The following TTC7B variants were observed in gnomAD, a reference collection of about 807,000 sequenced individuals.
TTC7B encodes the protein tetratricopeptide repeat domain 7B.
TTC7B carries 28 observed loss-of-function variants against 106.8 expected under a neutral mutation model. The observed-to-expected ratio is 0.26, with a 90% CI of 0.19 to 0.36. TTC7B has a LOEUF of 0.36. TTC7B is among the 10% of genes least tolerant of loss of function. The pLI is 1.00. For synonymous variants in TTC7B, 405 were observed against 430.6 expected (o/e 0.94, Z 0.74); for missense variants, 862 against 1,076.4 (o/e 0.80, Z 2.79).
chr14:90,646,403 C>A (rs1238396884), intron 14 of TTC7B, among the ~76,000 whole-genome samples: 2 of 152,224 alleles, frequency 1.3e-5, no homozygotes, highest in Non-Finnish European at 2.9e-5. Context: ...ACAAAACTTG[C>A]CCCTCCCGCA....
rs1889820732 is a variant in TTC7B at position 90,742,829 on chromosome 14, A to G, written c.576+1963T>C. On this transcript the variant is annotated intron_variant, in intron 4 of 19. Transcript: ENST00000328459. The surrounding 1 kb of genome is among the most constrained non-coding windows in gnomAD (Gnocchi z 4.1). ...TAACAGAAGTGTATTCAGATCTACC[A>G]ATTCCTACATCACTACAGACACATG... Among the ~76,000 whole-genome samples, 1 of 152,214 alleles carries G rather than the reference A, an allele frequency of 6.6e-6. No homozygotes were observed. Among genetic ancestry groups the G allele is most frequent in the Admixed American group, 6.5e-5 (1 of 15,288 alleles).
At chr14:90,548,678 AG>A (rs1293366269) in intron 19 of TTC7B, among the ~76,000 whole-genome samples, 1 of 152,240 alleles carries the variant, frequency 6.6e-6, no homozygotes, top group East Asian at 1.9e-4. Flanking sequence ...GCAGGTGGCC[AG>A]TAACTTGGGG....
At chr14:90,628,950 G>A (rs780084508) in intron 15 of TTC7B, among the ~76,000 whole-genome samples, 9 of 152,228 alleles carry the variant, frequency 5.9e-5, no homozygotes, top group South Asian at 2.1e-4. Flanking sequence ...GCGATTCTTC[G>A]GAGGCATAGC....
chr14:90,572,625 AG>A (rs1028261619), intron 19 of TTC7B, among the ~76,000 whole-genome samples: 14 of 152,338 alleles, frequency 9.2e-5, no homozygotes, highest in African/African-American at 3.1e-4. Context: ...AACTCCTCAA[AG>A]ACAGCCTGTG....
rs917268000 is a variant in TTC7B at position 90,528,405 on chromosome 14, G to C, written c.*12963C>G. 2.6e-5 allele frequency: 4 copies of C among 152,566 alleles called. No homozygotes were observed. The highest frequency in any genetic ancestry group is 7.2e-5 in the African/African-American group (3 of 41,588). The allele number at this position is 152,566 out of a possible 1,614,324, so 9.5% of individuals were successfully genotyped here. A position where few individuals can be genotyped will look rare whatever the true frequency, so the allele number is the denominator to read the frequency against. ...TTATTTTTGTCATTCTTTTGAGGCA[G>C]GGTCTTGCTGTGTCTCCCAGGCTGG... On this transcript the variant is annotated 3_prime_UTR_variant, in exon 20 of 20. Coordinates refer to ENST00000328459, the MANE Select transcript of TTC7B (RefSeq NM_001010854.2).
intron 15 of TTC7B, among the ~76,000 whole-genome samples, chr14:90,638,729 G>A (rs1885048024): frequency 1.3e-5 from 2 of 152,292 alleles, no homozygotes; most frequent in African/African-American, 4.8e-5. Flanking sequence ...TGGACGAGCT[G>A]ATTTGAAAAT....
intron 3 of TTC7B, among the ~76,000 whole-genome samples, chr14:90,752,567 C>A (rs1890169506): frequency 6.6e-6 from 1 of 152,162 alleles, no homozygotes; most frequent in African/African-American, 2.4e-5. Flanking sequence ...CAGCTAGGAG[C>A]CTTATCTGGG....
Position 90,526,881 on chromosome 14 carries a change from G to A in TTC7B, c.*14487C>T, listed in dbSNP as rs12896168. On this transcript the variant is annotated 3_prime_UTR_variant, in exon 20 of 20. Coordinates refer to ENST00000328459, the MANE Select transcript of TTC7B (RefSeq NM_001010854.2). ...TTTTCTTTATAAATTACCTAGTCTC[G>A]GGTATGTCTTTATTAGCTGCATGAG... The A allele has an allele frequency of 0.22, 34,180 of 151,944 alleles. 3,905 individuals are homozygous for A. Among genetic ancestry groups the A allele is most frequent in the East Asian group, 0.37 (1,907 of 5,150 alleles). The allele number at this position is 151,944 out of a possible 1,614,324, so 9.4% of individuals were successfully genotyped here. A position where few individuals can be genotyped will look rare whatever the true frequency, so the allele number is the denominator to read the frequency against.
At chr14:90,655,157 T>G in intron 11 of TTC7B, 47 bp from the exon 12 acceptor site, 2 of 1,427,592 alleles carry the variant, frequency 1.4e-6, no homozygotes, top group Non-Finnish European at 2.0e-6. Flanking sequence ...GCAGAATTTC[T>G]AACATGAGTT....
chr14:90,744,854 C>T lies in TTC7B; in HGVS notation c.514G>A (p.Val172Ile). ...SNLHVDREQDVITCYEKAGDI... is the reference protein window; with the variant it reads ...SNLHVDREQDIITCYEKAGDI... ...CCTGCTTTCTCATAACAGGTGATGA[C>T]ATCCTGTTCCCGGTCCACATGGAGA... Residue 172 changes from valine (V) to isoleucine (I), a missense_variant, in exon 4 of 20, where the codon GTC (valine) becomes ATC (isoleucine). Transcript: ENST00000328459. The T allele has an allele frequency of 6.2e-7, 1 of 1,613,450 alleles. No individual in the cohort carries two copies. Among genetic ancestry groups the T allele is most frequent in the Non-Finnish European group, 8.5e-7 (1 of 1,179,392 alleles).
At chr14:90,694,994 C>CATATATTTATTATAA (rs1887654813) in intron 6 of TTC7B, among the ~76,000 whole-genome samples, 2 of 48,996 alleles carry the variant, frequency 4.1e-5, no homozygotes, top group African/African-American at 1.3e-4. Context: ...ATTTATAACA[C>CATATATTTATTATAA]ATATGCCACA....
chr14:90,634,432 T>C lies in TTC7B; in HGVS notation c.1751+9616A>G, dbSNP rs536596771. On this transcript the variant is annotated intron_variant, in intron 15 of 19. Transcript: ENST00000328459. ...CACTTGAGACAGAAGGCAGAGGTTA[T>C]CAGACTAAGTAAAAAAAAAAAGACC... is the stretch of plus-strand genomic sequence containing the variant. Among the ~76,000 whole-genome samples the C allele has an allele frequency of 2.0e-5, 3 of 151,258 alleles. No homozygotes were observed. The South Asian group carries it at 6.2e-4, about 31-fold the overall frequency.
At chr14:90,768,272 A>G (rs1005590665) in intron 3 of TTC7B, among the ~76,000 whole-genome samples, 1 of 152,240 alleles carries the variant, frequency 6.6e-6, no homozygotes, top group East Asian at 1.9e-4. Flanking sequence ...TAATTGACTC[A>G]CAGTTCCACA....
intron 15 of TTC7B, 99 bp downstream of exon 15, chr14:90,643,949 G>A: frequency 6.6e-6 from 9 of 1,362,242 alleles, no homozygotes; most frequent in Non-Finnish European, 9.4e-6. Flanking sequence ...GACTGCCAGG[G>A]TGTCCATGAG....
intron 3 of TTC7B, among the ~76,000 whole-genome samples, chr14:90,769,213 C>T (rs1184849411): frequency 1.3e-5 from 2 of 151,836 alleles, no homozygotes; most frequent in Non-Finnish European, 2.9e-5. Flanking sequence ...AAATATTTCG[C>T]TACAAAAAAA....
At chr14:90,653,076 C>T (rs558466585) in intron 12 of TTC7B, among the ~76,000 whole-genome samples, 178 bp from the exon 13 acceptor site, 2 of 152,230 alleles carry the variant, frequency 1.3e-5, no homozygotes, top group Non-Finnish European at 2.9e-5. Context: ...AGTCCTACCC[C>T]CAAGGTGCCT....
chr14:90,804,178 A>G (rs1003149078), intron 1 of TTC7B, among the ~76,000 whole-genome samples: 3 of 152,108 alleles, frequency 2.0e-5, no homozygotes, highest in Non-Finnish European at 4.4e-5. Context: ...TACTAAAAAT[A>G]CAAAAAATTA....
In TTC7B at chr14:90,742,707, C is replaced by T. The variant is rs1889816733; in HGVS notation, c.576+2085G>A. On this transcript the variant is annotated intron_variant, in intron 4 of 19. Transcript: ENST00000328459. This position sits in a 1 kb window ranked among gnomAD's most constrained non-coding sequence, Gnocchi z 4.1. ...CTTATGATCACCATTTCCCCAAAAT[C>T]AAAGAAAAGGATTTCTTTTAAATCC... Among the ~76,000 whole-genome samples, 1 of 152,174 alleles carries T rather than the reference C, an allele frequency of 6.6e-6. No homozygotes were observed.
At chr14:90,664,423 C>A (rs571011954) in intron 9 of TTC7B, among the ~76,000 whole-genome samples, 92 of 152,210 alleles carry the variant, frequency 6.0e-4, no homozygotes, top group African/African-American at 2.2e-3. Flanking sequence ...GTGCCCGCCA[C>A]CAGGCCCAGC....
Sources: gnomAD v4.1 joint callset for allele counts (sites outside exome capture counted in the v4.1 genomes callset) on GRCh38, gnomAD v4.1.1 for gene constraint, Gnocchi (gnomAD v3.1) non-coding constraint, MANE v1.5 for transcripts, NCBI Gene and HGNC (gene_info 2026-07-23, HGNC 2026-07-21) for gene names.